Variants in SH3BGR observed in about 807,000 individuals in gnomAD.
The protein encoded by SH3BGR is SH3 domain binding glutamate rich protein.
Under a neutral mutation model 24.5 loss-of-function variants are expected in SH3BGR, and 29 were observed. The ratio of observed to expected loss-of-function variants is 1.18; its 90% CI spans 0.88 to 1.61. The LOEUF is 1.61. SH3BGR is among the 40% of genes most tolerant of loss of function. SH3BGR has a pLI of 0.00. For synonymous variants in SH3BGR, 55 were observed against 65.7 expected (o/e 0.84, Z 0.79); for missense variants, 162 against 205.8 (o/e 0.79, Z 1.30).
intron 3 of SH3BGR, among the ~76,000 whole-genome samples, chr21:39,496,643 A>G (rs951643442): frequency 6.6e-6 from 1 of 152,190 alleles, no homozygotes; most frequent in Non-Finnish European, 1.5e-5. Context: ...AGAAAAATAT[A>G]CAAAAATTTG....
At chr21:39,479,692 A>G (rs1383211130) in intron 3 of SH3BGR, among the ~76,000 whole-genome samples, 6 of 152,126 alleles carry the variant, frequency 3.9e-5, no homozygotes, top group Non-Finnish European at 5.9e-5. Flanking sequence ...AGAGACAAAA[A>G]CTGCTTATTT....
At chr21:39,490,523 G>A (rs567545043) in intron 3 of SH3BGR, among the ~76,000 whole-genome samples, 50 of 152,156 alleles carry the variant, frequency 3.3e-4, no homozygotes, top group Admixed American at 1.2e-3. Context: ...AGGCACATTT[G>A]TATTTATAAT....
intron 3 of SH3BGR, among the ~76,000 whole-genome samples, chr21:39,482,540 G>A (rs1160784705): frequency 2.6e-5 from 4 of 152,194 alleles, no homozygotes; most frequent in Non-Finnish European, 5.9e-5. Context: ...CTTGTTTTTA[G>A]AAGATGATAC....
Position 39,515,205 on chromosome 21 carries a change from G to A in SH3BGR, c.*152G>A. ...CTGAGGACTTATGCTGCCTGACCTG[G>A]TTAGATGTACATGGAGGTATCTCCC... On this transcript the variant is annotated 3_prime_UTR_variant, in exon 7 of 7. Transcript: ENST00000333634. The A allele has an allele frequency of 4.4e-6, 2 of 455,458 alleles. No homozygotes were observed. The highest frequency in any genetic ancestry group is 9.1e-6 in the Non-Finnish European group (2 of 220,400). The allele number at this position is 455,458 out of a possible 1,614,324, so 28.2% of individuals were successfully genotyped here.
At chr21:39,507,264 A>G (rs1022944032) in intron 4 of SH3BGR, among the ~76,000 whole-genome samples, 4 of 152,226 alleles carry the variant, frequency 2.6e-5, no homozygotes, top group African/African-American at 7.2e-5. Flanking sequence ...GGAAATGGCT[A>G]AAAACATGAA....
intron 4 of SH3BGR, among the ~76,000 whole-genome samples, chr21:39,503,336 C>T (rs2078528119): frequency 6.6e-6 from 1 of 152,162 alleles, no homozygotes; most frequent in Non-Finnish European, 1.5e-5. Context: ...TCTCATCTAG[C>T]CTTAATGAAA....
At chr21:39,502,383 C>T (rs1423534123) in intron 4 of SH3BGR, among the ~76,000 whole-genome samples, 2 of 152,188 alleles carry the variant, frequency 1.3e-5, no homozygotes, top group African/African-American at 4.8e-5. Context: ...TTTCAAACTC[C>T]TGGCTCCGTT....
intron 3 of SH3BGR, among the ~76,000 whole-genome samples, chr21:39,490,148 A>T (rs1402144464): frequency 6.6e-6 from 1 of 152,260 alleles, no homozygotes; most frequent in Non-Finnish European, 1.5e-5. Context: ...TATGAATAGG[A>T]AACTAAACAG....
In SH3BGR at chr21:39,511,862, A is replaced by C; in HGVS notation, c.*34+53A>C. ...GCTGCTAGTTACCGTACTGTATGCT[A>C]TCTGCGGCACATTTTGCTTAGTAAC... On this transcript the variant is annotated intron_variant, in intron 6 of 6. Coordinates refer to ENST00000333634, the MANE Select transcript of SH3BGR (RefSeq NM_007341.3). This position sits in a 1 kb window ranked among gnomAD's most constrained non-coding sequence, Gnocchi z 4.2. 1.3e-6 allele frequency: 2 copies of C among 1,498,624 alleles called. No individual in the cohort carries two copies. Among genetic ancestry groups the C allele is most frequent in the South Asian group, 1.4e-5 (1 of 73,266 alleles). The allele number at this position is 1,498,624 out of a possible 1,614,324, so 92.8% of individuals were successfully genotyped here.
intron 3 of SH3BGR, among the ~76,000 whole-genome samples, chr21:39,486,701 T>C (rs1156727722): frequency 6.6e-6 from 1 of 152,204 alleles, no homozygotes; most frequent in Non-Finnish European, 1.5e-5. Context: ...AAAACAACAA[T>C]ATAATCAATG....
intron 1 of SH3BGR, among the ~76,000 whole-genome samples, chr21:39,452,460 C>T (rs2077590040): frequency 6.6e-6 from 1 of 152,158 alleles, no homozygotes; most frequent in Admixed American, 6.5e-5. Flanking sequence ...GTGTTTCTGC[C>T]ATTCATTCTG....
chr21:39,474,021 G>T (rs1476211404), intron 2 of SH3BGR, among the ~76,000 whole-genome samples: 3 of 152,140 alleles, frequency 2.0e-5, no homozygotes, highest in Admixed American at 2.0e-4. Context: ...AGGCTAGAGT[G>T]TAGTGGCACA....
chr21:39,480,185 T>C (rs1040533825), intron 3 of SH3BGR, among the ~76,000 whole-genome samples: 1 of 152,226 alleles, frequency 6.6e-6, no homozygotes, highest in African/African-American at 2.4e-5. Flanking sequence ...AAAAATAGTT[T>C]TATTGGGATA....
At position 39,475,210 on chromosome 21, in the gene SH3BGR, T is replaced by C; in HGVS notation, c.307T>C (p.Ser103Pro). The change falls in exon 3 of 7, where the codon TCA becomes CCA. Residue 103 changes from serine (S) to proline (P), a missense_variant. Transcript: ENST00000333634. ...SFLGLAPPPD[S>P]KGSEKAEEGG... ...CCTTGGTTTGGCTCCTCCTCCAGAC[T>C]CAAAGGTAAGTTTGAACAAACTCCA... The C allele has an allele frequency of 3.1e-6, 5 of 1,603,592 alleles. No individual in the cohort carries two copies. Among genetic ancestry groups the C allele is most frequent in the Non-Finnish European group, 4.3e-6 (5 of 1,170,646 alleles).
At chr21:39,473,066 C>G (rs182613355) in intron 2 of SH3BGR, among the ~76,000 whole-genome samples, 49 of 152,022 alleles carry the variant, frequency 3.2e-4, no homozygotes, top group Admixed American at 3.0e-3. Flanking sequence ...CTCTAATCTG[C>G]CATAGTAGCA....
chr21:39,485,418 C>T (rs919863268), intron 3 of SH3BGR, among the ~76,000 whole-genome samples: 1 of 152,084 alleles, frequency 6.6e-6, no homozygotes, highest in Admixed American at 6.5e-5. Flanking sequence ...GCAGAATCTA[C>T]AACATTATTA....
At chr21:39,469,449 G>T (rs537936778) in intron 2 of SH3BGR, among the ~76,000 whole-genome samples, 1 of 150,368 alleles carries the variant, frequency 6.7e-6, no homozygotes, top group East Asian at 2.0e-4. Flanking sequence ...TAAAATTTCT[G>T]CCCTTGCCTG....
rs1569177926 is a variant in SH3BGR at position 39,510,367 on chromosome 21, C to CGT, written c.436-1313_436-1312insGT. On this transcript the variant is annotated intron_variant, in intron 5 of 6. Coordinates refer to ENST00000333634, the MANE Select transcript of SH3BGR (RefSeq NM_007341.3). The stretch of plus-strand genomic sequence containing the variant: ...CAGAGATAACCACTGTAGCTACATA[C>CGT]ACACACACACACACACACACACACT... Among the ~76,000 whole-genome samples, 225 of 131,164 alleles carry CGT rather than the reference C, an allele frequency of 1.7e-3. 1 individual carries two copies. The highest frequency in any genetic ancestry group is 7.6e-3 in the African/African-American group (215 of 28,122). The allele number at this position is 131,164 out of a possible 152,430, so 86.0% of individuals were successfully genotyped here.
chr21:39,458,530 G>A (rs2077702035), intron 1 of SH3BGR, among the ~76,000 whole-genome samples: 1 of 151,768 alleles, frequency 6.6e-6, no homozygotes. Context: ...TAGAGACAAG[G>A]TTTCGCCATG....
Sources: gnomAD v4.1 joint callset for allele counts (sites outside exome capture counted in the v4.1 genomes callset) on GRCh38, gnomAD v4.1.1 for gene constraint, Gnocchi (gnomAD v3.1) non-coding constraint, MANE v1.5 for transcripts, NCBI Gene and HGNC (gene_info 2026-07-23, HGNC 2026-07-21) for gene names.